CRISPLD1: variants seen among roughly 807,000 people sequenced by gnomAD.
CRISPLD1 encodes the protein cysteine rich secretory protein LCCL domain containing 1.
In CRISPLD1, 60 loss-of-function variants were observed where a neutral mutation model predicts 77.5. The ratio of observed to expected loss-of-function variants is 0.77; its 90% CI spans 0.63 to 0.96. The LOEUF (loss-of-function observed/expected upper bound fraction) is 0.96, where lower values mean the gene tolerates loss of function less well. CRISPLD1 is among the 40% of genes least tolerant of loss of function. The pLI, the probability that CRISPLD1 is intolerant of heterozygous loss-of-function variation, is 0.00. For synonymous variants in CRISPLD1, 195 were observed against 200.1 expected (o/e 0.97, Z 0.22); for missense variants, 623 against 615.8 (o/e 1.01, Z -0.12).
chr8:75,025,672 G>GTGTC, intron 13 of CRISPLD1, 51 bp downstream of exon 13: 1 of 941,484 alleles, frequency 1.1e-6, no homozygotes. Context: ...ATATATAAAT[G>GTGTC]TATAGACACA....
intron 13 of CRISPLD1, among the ~76,000 whole-genome samples, chr8:75,028,048 G>A (rs945889373): frequency 6.6e-6 from 1 of 152,076 alleles, no homozygotes; most frequent in Non-Finnish European, 1.5e-5. Context: ...AAGCACTTTT[G>A]TTGCCTTGGG....
intron 1 of CRISPLD1, among the ~76,000 whole-genome samples, chr8:74,985,159 G>A (rs1472501385): frequency 2.0e-5 from 3 of 152,124 alleles, no homozygotes; most frequent in African/African-American, 7.2e-5. Context: ...TTCCATTTGA[G>A]TTCAGAGAAA....
intron 14 of CRISPLD1, 143 bp downstream of exon 14, chr8:75,029,660 G>A (rs1326860130): frequency 2.7e-6 from 2 of 735,206 alleles, no homozygotes; most frequent in Non-Finnish European, 4.3e-6. Flanking sequence ...GCACACTTGT[G>A]TACCAGTCAG....
chr8:75,031,567 C>CTGTGTG (rs755567610), intron 14 of CRISPLD1, among the ~76,000 whole-genome samples: 8 of 65,700 alleles, frequency 1.2e-4, no homozygotes, highest in East Asian at 3.8e-4. Flanking sequence ...ATTGAATGCT[C>CTGTGTG]TGTGTGTGTG....
rs780677743 is a variant in CRISPLD1, at chr8:75,032,177, T to A, written c.1452-14T>A. 12 of 1,558,072 alleles carry A rather than the reference T, an allele frequency of 7.7e-6. No homozygotes were observed. Among genetic ancestry groups the A allele is most frequent in the Middle Eastern group, 1.7e-4 (1 of 5,836 alleles). The stretch of plus-strand genomic sequence containing the variant: ...GACATCAATATACTTTTCATATATT[T>A]TTTTTTTTTGCAGTTTACAGAATCC... On this transcript the variant is annotated splice_polypyrimidine_tract_variant and intron_variant, in intron 14 of 14. Coordinates refer to ENST00000262207, the MANE Select transcript of CRISPLD1 (RefSeq NM_031461.6).
At chr8:75,010,705 C>T (rs1467169426) in intron 2 of CRISPLD1, among the ~76,000 whole-genome samples, 1 of 151,992 alleles carries the variant, frequency 6.6e-6, no homozygotes, top group Non-Finnish European at 1.5e-5. Flanking sequence ...TTTTCTGTAA[C>T]CTCTTTTATC....
chr8:75,014,772 C>T (rs1298712561), intron 5 of CRISPLD1, 40 bp from the exon 6 acceptor site: 11 of 1,299,038 alleles, frequency 8.5e-6, no homozygotes, highest in Non-Finnish European at 1.1e-5. Context: ...TAAATTATGC[C>T]ATTAGACTAC....
At chr8:74,987,890 G>T (rs1027362010) in intron 2 of CRISPLD1, among the ~76,000 whole-genome samples, 1 of 152,138 alleles carries the variant, frequency 6.6e-6, no homozygotes, top group African/African-American at 2.4e-5. Context: ...TCTGTGATTC[G>T]TTTTCATGTC....
At chr8:74,994,564 G>T (rs555705617) in intron 2 of CRISPLD1, among the ~76,000 whole-genome samples, 1 of 152,260 alleles carries the variant, frequency 6.6e-6, no homozygotes, top group East Asian at 1.9e-4. Context: ...GAGATTAGAG[G>T]AGGTGGAACC....
intron 2 of CRISPLD1, among the ~76,000 whole-genome samples, chr8:74,992,165 A>G (rs1402315350): frequency 6.6e-6 from 1 of 152,240 alleles, no homozygotes; most frequent in Non-Finnish European, 1.5e-5. Flanking sequence ...TGAAACAAAT[A>G]TGGAGGACAG....
At chr8:75,016,274 A>G (rs948349672) in intron 6 of CRISPLD1, among the ~76,000 whole-genome samples, 4 of 150,014 alleles carry the variant, frequency 2.7e-5, no homozygotes, top group Non-Finnish European at 5.9e-5. Context: ...TGGTGTCATT[A>G]TGAAAATCAA....
chr8:74,994,243 GAA>G (rs1812615463), intron 2 of CRISPLD1, among the ~76,000 whole-genome samples: 1 of 152,168 alleles, frequency 6.6e-6, no homozygotes, highest in African/African-American at 2.4e-5. Flanking sequence ...GTAAGAAATG[GAA>G]AGAGTATGAA....
At position 74,991,801 on chromosome 8, in the gene CRISPLD1, C is replaced by T. The variant is rs192030596; in HGVS notation, c.258+5556C>T. 7.2e-5 allele frequency among the ~76,000 whole-genome samples: 11 copies of T among 152,270 alleles called. No homozygotes were observed. In the East Asian group the frequency reaches 2.1e-3, roughly 29 times the overall value. ...CACCTCAGCCTCCCAAAGTGCTGGA[C>T]AGGTGTGAGCCACCAGACCCGGCCA... On this transcript the variant is annotated intron_variant, in intron 2 of 14. Coordinates refer to ENST00000262207, the MANE Select transcript of CRISPLD1 (RefSeq NM_031461.6).
intron 2 of CRISPLD1, among the ~76,000 whole-genome samples, chr8:74,997,098 C>A (rs1563608521): frequency 6.6e-6 from 1 of 152,146 alleles, no homozygotes; most frequent in African/African-American, 2.4e-5. Context: ...CAGTTTCTCA[C>A]AAGGGACTGA....
chr8:75,020,057 A>G lies in CRISPLD1; in HGVS notation c.1222A>G (p.Lys408Glu), dbSNP rs1813105336. 3.2e-5 allele frequency: 51 copies of G among 1,614,112 alleles called. No individual in the cohort carries two copies. Among genetic ancestry groups the G allele is most frequent in the Non-Finnish European group, 4.2e-5 (50 of 1,179,978 alleles). The change falls in exon 12 of 15, where the codon AAG (lysine) becomes GAG (glutamate). Residue 408 changes from lysine (K) to glutamate (E), a missense_variant. Lys to Glu is a moderately conservative substitution (Grantham distance 56). Transcript: ENST00000262207. ...TGTGGAACAGCTCTGTCCATTTCAT[A>G]AGCCTGCTTCACATTGCCCAAGGTA... ...TTVEQLCPFH[K>E]PASHCPRVYC...
chr8:75,004,530 T>G (rs1014352498), intron 2 of CRISPLD1, among the ~76,000 whole-genome samples: 1 of 152,186 alleles, frequency 6.6e-6, no homozygotes, highest in South Asian at 2.1e-4. Context: ...GTGTGATATT[T>G]TCATAGACTA....
At chr8:75,009,026 A>C (rs533883564) in intron 2 of CRISPLD1, among the ~76,000 whole-genome samples, 2 of 152,270 alleles carry the variant, frequency 1.3e-5, no homozygotes, top group South Asian at 2.1e-4. Flanking sequence ...TTTCAATTTC[A>C]TAGGGAAAAC....
intron 2 of CRISPLD1, among the ~76,000 whole-genome samples, chr8:75,002,347 A>G (rs1022030188): frequency 2.1e-4 from 32 of 149,258 alleles, no homozygotes; most frequent in African/African-American, 7.9e-4. Context: ...CAGGGGAAGA[A>G]GAGAAAATTC....
At chr8:74,998,428 G>A (rs776791440) in intron 2 of CRISPLD1, among the ~76,000 whole-genome samples, 23 of 151,852 alleles carry the variant, frequency 1.5e-4, no homozygotes, top group South Asian at 2.1e-4. Flanking sequence ...CTCATACCAC[G>A]GCCGGTAATA....
Sources: allele counts gnomAD v4.1 joint callset (sites outside exome capture counted in the v4.1 genomes callset), GRCh38; gene constraint gnomAD v4.1.1; transcripts MANE v1.5; gene names NCBI Gene and HGNC (gene_info 2026-07-23, HGNC 2026-07-21).